The following MTFR2 variants were observed in gnomAD, a reference collection of about 807,000 sequenced individuals.
The protein encoded by MTFR2 is mitochondrial fission regulator 2.
Under a neutral mutation model 41.2 loss-of-function variants are expected in MTFR2, and 44 were observed. The ratio of observed to expected loss-of-function variants is 1.07; its 90% CI spans 0.84 to 1.37. The LOEUF (loss-of-function observed/expected upper bound fraction) is 1.37, where lower values mean the gene tolerates loss of function less well. Among genes scored for constraint, MTFR2 ranks in the 40% most tolerant of loss-of-function variants. The probability of loss-of-function intolerance (pLI) is 0.00; values close to 1 mark genes in which losing one functional copy is unlikely to be tolerated. For synonymous variants in MTFR2, 141 were observed against 154.6 expected, an observed-to-expected ratio of 0.91 and a Z score of 0.65; for missense variants, 452 against 459.5, an observed-to-expected ratio of 0.98 and a Z score of 0.15.
At position 136,231,314 on chromosome 6, in the gene MTFR2, T is replaced by G; in HGVS notation, c.1119A>C (p.Gln373His). The change falls in exon 8 of 8, where the codon CAA becomes CAC. Residue 373 changes from glutamine to histidine, a missense_variant. Gln to His is a conservative substitution (Grantham distance 24, BLOSUM62 0). Transcript: ENST00000420702. The part of the protein sequence containing the change: ...EEMVNTKAVD[Q>H]GISNTSLLNS... ...TTAGAAGGCTTGTGTTGCTGATACC[T>G]TGGTCAACAGCTTTTGTGTTGACCA... 1 of 1,612,964 alleles carries G rather than the reference T, an allele frequency of 6.2e-7. No homozygotes were observed. The highest frequency in any genetic ancestry group is 2.2e-5 in the East Asian group (1 of 44,846).
At position 136,242,098 on chromosome 6, in the gene MTFR2, A is replaced by C. The variant is rs567684576; in HGVS notation, c.282-422T>G. Among the ~76,000 whole-genome samples, 754 of 150,318 alleles carry C rather than the reference A, an allele frequency of 5.0e-3. 6 individuals carry two copies. The highest frequency in any genetic ancestry group is 0.017 in the African/African-American group (684 of 40,974). On this transcript the variant is annotated intron_variant, in intron 4 of 7. Transcript: ENST00000420702. ...CTGTCTCAAAAAAAAAAAAAAAAAA[A>C]AAAAAAAAAACCTACTCTCTATCCC...
chr6:136,248,084 A>G (rs1233765521), intron 2 of MTFR2, among the ~76,000 whole-genome samples: 2 of 152,122 alleles, frequency 1.3e-5, no homozygotes, highest in Non-Finnish European at 2.9e-5. Context: ...AAAAAATCTT[A>G]AATTATCCTT....
intron 5 of MTFR2, 67 bp from the exon 6 acceptor site, chr6:136,239,887 A>C (rs1780011271): frequency 2.3e-6 from 3 of 1,321,960 alleles, no homozygotes; most frequent in African/African-American, 1.5e-5. Flanking sequence ...TATTAATAAC[A>C]CTAATTAGAA....
intron 2 of MTFR2, 184 bp downstream of exon 2, chr6:136,248,853 C>T (rs1780287011): frequency 3.6e-6 from 2 of 556,514 alleles, no homozygotes; most frequent in Non-Finnish European, 6.1e-6. Flanking sequence ...TAAATATGTT[C>T]TCAATAATCT....
intron 6 of MTFR2, among the ~76,000 whole-genome samples, chr6:136,237,002 T>G (rs1353029639): frequency 1.3e-5 from 2 of 152,150 alleles, no homozygotes; most frequent in Non-Finnish European, 2.9e-5. Context: ...GCATGGGGCG[T>G]GGGCGCCCTG....
intron 2 of MTFR2, among the ~76,000 whole-genome samples, chr6:136,246,445 G>A (rs1341714467): frequency 1.3e-5 from 2 of 151,962 alleles, no homozygotes; most frequent in Admixed American, 6.6e-5. Flanking sequence ...ACCATGCCTG[G>A]TTAATTTTTA....
chr6:136,238,341 G>A (rs1779959473), intron 6 of MTFR2, among the ~76,000 whole-genome samples: 1 of 152,326 alleles, frequency 6.6e-6, no homozygotes, highest in South Asian at 2.1e-4. Context: ...AGACACAGTG[G>A]CTCTTGCCTG....
chr6:136,239,485 T>G lies in MTFR2; in HGVS notation c.850A>C (p.Lys284Gln). Reference protein sequence around the residue: ...LDVLKDMNKVKLRAIERSPGG... With the variant: ...LDVLKDMNKVQLRAIERSPGG... The stretch of plus-strand genomic sequence containing the variant: ...ACATACCGCTCAATTGCACGAAGCT[T>G]AACCTTATTCATATCCTTTAGAACG... The change falls in exon 6 of 8, where the codon AAG becomes CAG. Residue 284 changes from lysine to glutamine, a missense_variant. Physicochemically the swap from Lys to Gln is moderately conservative, Grantham distance 53 (BLOSUM62 1). Coordinates refer to ENST00000420702, the MANE Select transcript of MTFR2 (RefSeq NM_001099286.3). 1 of 1,608,466 alleles carries G rather than the reference T, an allele frequency of 6.2e-7. No individual in the cohort carries two copies. The highest frequency in any genetic ancestry group is 8.5e-7 in the Non-Finnish European group (1 of 1,175,514).
intron 6 of MTFR2, among the ~76,000 whole-genome samples, chr6:136,236,192 G>A (rs1331501928): frequency 6.6e-6 from 1 of 152,162 alleles, no homozygotes; most frequent in Non-Finnish European, 1.5e-5. Context: ...GTGTTTTGAA[G>A]GTGGGAAGTA....
At chr6:136,241,824 A>G (rs1780082584) in intron 4 of MTFR2, 148 bp from the exon 5 acceptor site, 1 of 655,796 alleles carries the variant, frequency 1.5e-6, no homozygotes, top group South Asian at 2.0e-5. Flanking sequence ...CACACCTGTA[A>G]TCCCAACACT....
Position 136,242,928 on chromosome 6 carries a change from T to G in MTFR2, c.214A>C (p.Met72Leu), listed in dbSNP as rs747256886. ...AAAATATCAGCAAAAGATGGAACCA[T>G]AGATCCACAATTATCAGAGTCTACA... Reference protein sequence around the residue: ...NSVDSDNCGSMVPSFADILYV... With the variant: ...NSVDSDNCGSLVPSFADILYV... Residue 72 changes from methionine (M) to leucine (L), a missense_variant, in exon 4 of 8, where the codon ATG (methionine) becomes CTG (leucine). Physicochemically the swap from Met to Leu is conservative, Grantham distance 15. Transcript: ENST00000420702. 1 of 1,613,008 alleles carries G rather than the reference T, an allele frequency of 6.2e-7. No homozygotes were observed. Among genetic ancestry groups the G allele is most frequent in the Non-Finnish European group, 8.5e-7 (1 of 1,179,818 alleles).
intron 6 of MTFR2, among the ~76,000 whole-genome samples, chr6:136,234,989 C>T (rs1027321903): frequency 2.0e-5 from 3 of 152,198 alleles, no homozygotes; most frequent in Non-Finnish European, 2.9e-5. Context: ...CGGGCTCAAA[C>T]AATTAATTCT....
intron 6 of MTFR2, among the ~76,000 whole-genome samples, chr6:136,233,851 C>CAA (rs879267624): frequency 2.2e-4 from 30 of 134,876 alleles, no homozygotes; most frequent in African/African-American, 7.6e-4. Context: ...GAGTTCATGC[C>CAA]AAAAAAAAAA....
chr6:136,234,386 T>C (rs1003224963), intron 6 of MTFR2, among the ~76,000 whole-genome samples: 1 of 151,206 alleles, frequency 6.6e-6, no homozygotes, highest in Non-Finnish European at 1.5e-5. Context: ...ACTTTAGATA[T>C]GATCAGAAAA....
intron 2 of MTFR2, 158 bp downstream of exon 2, chr6:136,248,879 T>C: frequency 1.6e-6 from 1 of 615,194 alleles, no homozygotes; most frequent in Admixed American, 3.8e-5. Context: ...CTCTTCTAAC[T>C]CAAATCATCA....
In MTFR2 at chr6:136,239,631, T is replaced by C; in HGVS notation, c.704A>G (p.Asn235Ser). Reference sequence around the variant, plus strand: ...TGCTGGATTATCTGAGTCACAAATATTATTAGATCCTGGTTGTACGGGAGG... The same window carrying C: ...TGCTGGATTATCTGAGTCACAAATACTATTAGATCCTGGTTGTACGGGAGG... ...CFPPVQPGSNNICDSDNPATE... is the reference protein window; with the variant it reads ...CFPPVQPGSNSICDSDNPATE... The change falls in exon 6 of 8, where the codon AAT becomes AGT. Residue 235 changes from asparagine to serine, a missense_variant. By Grantham distance (46) the Asn-to-Ser change is conservative (BLOSUM62 1). Transcript: ENST00000420702. 6.2e-7 allele frequency: 1 copy of C among 1,614,024 alleles called. No homozygotes were observed. Among genetic ancestry groups the C allele is most frequent in the Non-Finnish European group, 8.5e-7 (1 of 1,180,024 alleles).
intron 5 of MTFR2, among the ~76,000 whole-genome samples, chr6:136,241,048 G>A (rs56338617): frequency 0.089 from 13,301 of 148,956 alleles, 1,808 homozygotes; most frequent in African/African-American, 0.3. Flanking sequence ...CCAAGATCGT[G>A]CCACTGCACT....
intron 2 of MTFR2, among the ~76,000 whole-genome samples, chr6:136,248,063 CT>C (rs1780258602): frequency 6.6e-6 from 1 of 150,816 alleles, no homozygotes; most frequent in South Asian, 2.1e-4. Context: ...CTTCAACTTA[CT>C]TTTGCTTTAA....
At chr6:136,237,597 G>C (rs530093720) in intron 6 of MTFR2, among the ~76,000 whole-genome samples, 5 of 152,192 alleles carry the variant, frequency 3.3e-5, no homozygotes, top group Admixed American at 2.0e-4. Context: ...AGATCACAAG[G>C]TCAGGAGTTC....
Sources: allele counts gnomAD v4.1 joint callset (sites outside exome capture counted in the v4.1 genomes callset), GRCh38; gene constraint gnomAD v4.1.1; transcripts MANE v1.5; gene names NCBI Gene and HGNC (gene_info 2026-07-23, HGNC 2026-07-21).